Variants in CCSER1 observed in about 807,000 individuals in gnomAD.
The protein encoded by CCSER1 is serine-rich coiled-coil domain-containing protein 1.
A neutral mutation model predicts 82.0 loss-of-function variants in CCSER1; 41 were observed. That is an observed-to-expected ratio of 0.50 (90% CI 0.39 to 0.65). CCSER1 has a LOEUF of 0.65. CCSER1 is among the 30% of genes least tolerant of loss of function. The pLI is 0.00. For missense variants in CCSER1, 1,119 were observed against 1,064.2 expected, an observed-to-expected ratio of 1.05 and a Z score of -0.72; for synonymous variants, 414 against 383.9, an observed-to-expected ratio of 1.08 and a Z score of -0.92.
chr4:91,083,079 A>G (rs1232817492), intron 9 of CCSER1, among the ~76,000 whole-genome samples: 1 of 152,230 alleles, frequency 6.6e-6, no homozygotes, highest in Admixed American at 6.5e-5. Flanking sequence ...TCAAAATATT[A>G]TAAATCATGC....
At chr4:91,152,624 C>T (rs1730349512) in intron 10 of CCSER1, among the ~76,000 whole-genome samples, 1 of 152,156 alleles carries the variant, frequency 6.6e-6, no homozygotes, top group Non-Finnish European at 1.5e-5. Flanking sequence ...CAATGGTCTT[C>T]ACAATTTGGC....
intron 8 of CCSER1, chr4:90,911,210 A>G: frequency 2.3e-6 from 1 of 433,470 alleles, no homozygotes; most frequent in South Asian, 1.7e-5. Context: ...GCAATTTTCT[A>G]CAACAAAAAA....
In CCSER1 at chr4:90,412,473, A is replaced by AT. The variant is rs1431368151; in HGVS notation, c.1603+12344_1603+12345insT. On this transcript the variant is annotated intron_variant, in intron 4 of 10. Coordinates refer to ENST00000509176, the MANE Select transcript of CCSER1 (RefSeq NM_001145065.2). ...TAAAACTTAAAGTATAATAATAATA[A>AT]AAAAAAGAATTTTGAATGTTAAAAA... Among the ~76,000 whole-genome samples the AT allele has an allele frequency of 1.0e-2, 1,515 of 151,884 alleles. 15 individuals carry two copies. Among genetic ancestry groups the AT allele is most frequent in the South Asian group, 0.03 (144 of 4,820 alleles).
intron 5 of CCSER1, among the ~76,000 whole-genome samples, chr4:90,509,513 AT>A (rs907815665): frequency 5.9e-4 from 89 of 152,038 alleles, no homozygotes; most frequent in African/African-American, 1.9e-3. Context: ...AATTGCAATC[AT>A]TTTTTTTATA....
intron 10 of CCSER1, among the ~76,000 whole-genome samples, chr4:91,142,451 C>T (rs1433737682): frequency 6.6e-6 from 1 of 152,096 alleles, no homozygotes; most frequent in African/African-American, 2.4e-5. Context: ...TTTTGCTGTG[C>T]AAAACTCTAT....
intron 9 of CCSER1, among the ~76,000 whole-genome samples, chr4:91,006,434 A>T (rs1375139549): frequency 6.6e-6 from 1 of 151,936 alleles, no homozygotes; most frequent in Non-Finnish European, 1.5e-5. Flanking sequence ...GTCATCTGCA[A>T]AAAAAAGATA....
intron 10 of CCSER1, among the ~76,000 whole-genome samples, chr4:91,571,464 A>G (rs1238112245): frequency 6.6e-6 from 1 of 152,204 alleles, no homozygotes; most frequent in African/African-American, 2.4e-5. Context: ...ACAGTTTTAC[A>G]TGGCTGGGGA....
chr4:90,840,061 C>G (rs887763635), intron 8 of CCSER1, among the ~76,000 whole-genome samples: 1 of 151,748 alleles, frequency 6.6e-6, no homozygotes, highest in East Asian at 1.9e-4. Flanking sequence ...TATAACATAG[C>G]ATTTATTTTA....
rs912358051 is a variant in CCSER1, at chr4:91,598,820, G to A, written c.2466G>A (p.Arg822=). 1.9e-6 allele frequency: 3 copies of A among 1,551,460 alleles called. No homozygotes were observed. Among genetic ancestry groups the A allele is most frequent in the African/African-American group, 2.7e-5 (2 of 73,044 alleles). Residue 822 remains arginine (R), a synonymous_variant, in exon 11 of 11, where the codon CGG becomes CGA. Coordinates refer to ENST00000509176, the MANE Select transcript of CCSER1 (RefSeq NM_001145065.2). ...TLTSDVTQNL[R]ATVGQSSLKP... is the part of the protein sequence containing the mutation. ...CTTCAGACGTTACACAGAACTTACG[G>A]GCCACCGTTGGGCAGAGCTCTCTGA...
At chr4:90,535,092 C>CT (rs368374450) in intron 5 of CCSER1, among the ~76,000 whole-genome samples, 161 of 151,392 alleles carry the variant, frequency 1.1e-3, no homozygotes, top group East Asian at 4.1e-3. Context: ...CTACCAAATT[C>CT]TTTTTTTTTA....
rs576575601 is a variant in CCSER1, at chr4:91,513,959, A to G, written c.2218-84613A>G. On this transcript the variant is annotated intron_variant, in intron 10 of 10. Coordinates refer to ENST00000509176, the MANE Select transcript of CCSER1 (RefSeq NM_001145065.2). ...GATTTTTGGGTCTCAATTTCATTCA[A>G]TTCTGCTCTGATTTCAGTTATTTAT... 7.2e-5 allele frequency among the ~76,000 whole-genome samples: 11 copies of G among 151,990 alleles called. No individual in the cohort carries two copies. In the South Asian group the frequency reaches 1.7e-3, roughly 23 times the overall value.
intron 1 of CCSER1, among the ~76,000 whole-genome samples, chr4:90,204,530 C>T (rs1028983710): frequency 2.6e-5 from 4 of 152,132 alleles, no homozygotes; most frequent in Non-Finnish European, 5.9e-5. Context: ...TCTGAGACCT[C>T]TGTTGTGTTC....
intron 10 of CCSER1, among the ~76,000 whole-genome samples, chr4:91,399,577 C>T (rs1752197779): frequency 1.3e-5 from 2 of 151,900 alleles, no homozygotes; most frequent in Non-Finnish European, 2.9e-5. Flanking sequence ...GTTTCCTGCT[C>T]CCAGGGTTTT....
chr4:91,487,596 A>G (rs1462156033), intron 10 of CCSER1, among the ~76,000 whole-genome samples: 2 of 152,132 alleles, frequency 1.3e-5, no homozygotes, highest in Non-Finnish European at 2.9e-5. Context: ...TTATGTTTCA[A>G]TAGTTTGTAG....
chr4:90,894,410 G>T (rs979597757), intron 8 of CCSER1, among the ~76,000 whole-genome samples: 2 of 151,962 alleles, frequency 1.3e-5, no homozygotes, highest in African/African-American at 4.8e-5. Context: ...CAACATGAGC[G>T]CATGGCCCTG....
intron 5 of CCSER1, among the ~76,000 whole-genome samples, chr4:90,531,881 A>G (rs1774580310): frequency 6.6e-6 from 1 of 152,174 alleles, no homozygotes; most frequent in South Asian, 2.1e-4. Context: ...CATGACTTGT[A>G]TAACAACATA....
intron 10 of CCSER1, among the ~76,000 whole-genome samples, chr4:91,343,788 A>C (rs1366818725): frequency 6.6e-6 from 1 of 152,158 alleles, no homozygotes; most frequent in Non-Finnish European, 1.5e-5. Context: ...TCTATGTAAA[A>C]TTTAACAATA....
intron 10 of CCSER1, among the ~76,000 whole-genome samples, chr4:91,171,275 A>C (rs1732724191): frequency 6.6e-6 from 1 of 152,200 alleles, no homozygotes; most frequent in Admixed American, 6.5e-5. Context: ...CTATAAAATT[A>C]TGCCTAGAAA....
At chr4:91,006,370 A>G (rs1738505827) in intron 9 of CCSER1, among the ~76,000 whole-genome samples, 1 of 46,858 alleles carries the variant, frequency 2.1e-5, no homozygotes, top group Non-Finnish European at 7.4e-5. Context: ...TGAATTCACT[A>G]GTTCTAACAG....
Sources: gnomAD v4.1 joint callset for allele counts (sites outside exome capture counted in the v4.1 genomes callset) on GRCh38, gnomAD v4.1.1 for gene constraint, MANE v1.5 for transcripts, NCBI Gene and HGNC (gene_info 2026-07-23, HGNC 2026-07-21) for gene names.